Variants in ARPP21 observed in about 807,000 individuals in gnomAD.
ARPP21 encodes cAMP-regulated phosphoprotein 21.
ARPP21 carries 69 observed loss-of-function variants against 113.2 expected under a neutral mutation model. The observed-to-expected ratio is 0.61, with a 90% CI of 0.50 to 0.74. The LOEUF (loss-of-function observed/expected upper bound fraction) is 0.74, where lower values mean the gene tolerates loss of function less well. ARPP21 is among the 30% of genes least tolerant of loss of function. ARPP21 has a pLI of 0.00. For synonymous variants in ARPP21, 368 were observed against 375.5 expected (o/e 0.98, Z 0.23); for missense variants, 1,070 against 1,037.4 (o/e 1.03, Z -0.43).
chr3:35,753,069 T>TG (rs1488160957), intron 19 of ARPP21, among the ~76,000 whole-genome samples: 1 of 151,532 alleles, frequency 6.6e-6, no homozygotes. Flanking sequence ...TGTGTGTGTG[T>TG]GTGTGTAAGT....
intron 19 of ARPP21, among the ~76,000 whole-genome samples, chr3:35,764,670 A>G (rs899309309): frequency 1.3e-5 from 2 of 152,162 alleles, no homozygotes; most frequent in African/African-American, 4.8e-5. Context: ...ATTACTAAGG[A>G]CTCAGAATAC....
At position 35,640,005 on chromosome 3, in the gene ARPP21, G is replaced by A. The variant is rs916591744; in HGVS notation, c.-606G>A. 2 of 152,306 alleles carry A rather than the reference G, an allele frequency of 1.3e-5. No homozygotes were observed. Among genetic ancestry groups the A allele is most frequent in the Admixed American group, 1.3e-4 (2 of 15,288 alleles). 9.4% of individuals were successfully genotyped at this position (152,306 alleles called of 1,614,324 possible). The stretch of plus-strand genomic sequence containing the variant: ...CAGACGGACAGAAGAGCAGACAGGA[G>A]GCGGGGGCGCGTTCACTCCCGGCGG... On this transcript the variant is annotated 5_prime_UTR_variant, in exon 1 of 21. Coordinates refer to ENST00000684406, the MANE Select transcript of ARPP21 (RefSeq NM_001385562.1).
At chr3:35,720,164 A>G (rs1017419635) in intron 13 of ARPP21, among the ~76,000 whole-genome samples, 2 of 143,436 alleles carry the variant, frequency 1.4e-5, no homozygotes, top group African/African-American at 5.1e-5. Flanking sequence ...AAATATTAAT[A>G]GAGGATGGAG....
intron 15 of ARPP21, among the ~76,000 whole-genome samples, chr3:35,732,836 T>C (rs1026272459): frequency 6.6e-6 from 1 of 152,194 alleles, no homozygotes; most frequent in Admixed American, 6.5e-5. Context: ...TATATTTTTA[T>C]TTTTATCAGG....
At position 35,729,228 on chromosome 3, in the gene ARPP21, A is replaced by G. The variant is rs1413559959; in HGVS notation, c.1226-75A>G. On this transcript the variant is annotated intron_variant, in intron 14 of 20. Transcript: ENST00000684406. ...TTTAATGATGTGTCGCAGAAAAGTG[A>G]GCATTTAGACTCAGATTGGTGCTTT... The G allele has an allele frequency of 5.1e-6, 5 of 987,378 alleles. No homozygotes were observed. The African/African-American group carries it at 6.4e-5, about 13-fold the overall frequency. The allele number at this position is 987,378 out of a possible 1,614,324, so 61.2% of individuals were successfully genotyped here. A position where few individuals can be genotyped will look rare whatever the true frequency, so the allele number is the denominator to read the frequency against.
chr3:35,662,528 A>G (rs969590930), intron 1 of ARPP21, among the ~76,000 whole-genome samples: 3 of 152,182 alleles, frequency 2.0e-5, no homozygotes, highest in African/African-American at 7.2e-5. Context: ...GACTGGGCAG[A>G]GAGAGAAGGT....
chr3:35,744,018 G>A, intron 19 of ARPP21, 53 bp downstream of exon 19: 2 of 1,603,102 alleles, frequency 1.2e-6, no homozygotes, highest in Admixed American at 1.7e-5. Flanking sequence ...TTTTGCTGGT[G>A]AATCTTGTAC....
At chr3:35,720,389 C>T (rs567615377) in intron 13 of ARPP21, among the ~76,000 whole-genome samples, 1 of 152,162 alleles carries the variant, frequency 6.6e-6, no homozygotes, top group Non-Finnish European at 1.5e-5. Flanking sequence ...TTTCTTTGTA[C>T]TGTCTGTACA....
intron 16 of ARPP21, among the ~76,000 whole-genome samples, chr3:35,737,571 G>T (rs1300651748): frequency 6.6e-6 from 1 of 152,250 alleles, no homozygotes; most frequent in East Asian, 1.9e-4. Flanking sequence ...GCAGTAACTT[G>T]CAAGTTGAAG....
At chr3:35,773,346 T>A (rs889110113) in intron 19 of ARPP21, among the ~76,000 whole-genome samples, 2 of 152,108 alleles carry the variant, frequency 1.3e-5, no homozygotes, top group African/African-American at 4.8e-5. Flanking sequence ...ATTTTACAGA[T>A]GATGGAAGTA....
At chr3:35,791,997 T>C (rs548070708) in intron 19 of ARPP21, among the ~76,000 whole-genome samples, 1 of 152,188 alleles carries the variant, frequency 6.6e-6, no homozygotes, top group African/African-American at 2.4e-5. Flanking sequence ...AATTTTAAAA[T>C]AACTTGATAA....
intron 16 of ARPP21, among the ~76,000 whole-genome samples, chr3:35,737,985 T>C (rs577428158): frequency 1.1e-4 from 17 of 152,302 alleles, no homozygotes; most frequent in African/African-American, 3.8e-4. Context: ...ACCAACAATA[T>C]CAAACGTACA....
chr3:35,722,724 C>T (rs2093210345), intron 14 of ARPP21, among the ~76,000 whole-genome samples: 5 of 152,068 alleles, frequency 3.3e-5, no homozygotes, highest in Admixed American at 2.6e-4. Flanking sequence ...TCTAGGAGAG[C>T]CATTAACTTG....
intron 9 of ARPP21, among the ~76,000 whole-genome samples, chr3:35,701,934 T>G (rs1414498255): frequency 6.6e-6 from 1 of 151,670 alleles, no homozygotes; most frequent in East Asian, 2.0e-4. Context: ...TGAAAGAGCA[T>G]GTTCTAAATA....
chr3:35,760,296 GC>G (rs1251283455), intron 19 of ARPP21, among the ~76,000 whole-genome samples: 1 of 152,046 alleles, frequency 6.6e-6, no homozygotes, highest in Non-Finnish European at 1.5e-5. Context: ...CACACTGGTG[GC>G]CCTCAGGGTT....
At chr3:35,666,868 G>A (rs912262351) in intron 1 of ARPP21, among the ~76,000 whole-genome samples, 3 of 152,122 alleles carry the variant, frequency 2.0e-5, no homozygotes, top group Admixed American at 2.0e-4. Context: ...ATTTGGAAAG[G>A]TTAGAATAAA....
intron 1 of ARPP21, among the ~76,000 whole-genome samples, chr3:35,675,266 T>C (rs914519291): frequency 2.6e-5 from 4 of 151,758 alleles, no homozygotes; most frequent in African/African-American, 9.7e-5. Flanking sequence ...GTGATTTGCC[T>C]GTATGGGTTA....
intron 19 of ARPP21, among the ~76,000 whole-genome samples, chr3:35,788,267 C>T (rs768227685): frequency 1.1e-4 from 16 of 152,184 alleles, no homozygotes; most frequent in Non-Finnish European, 1.5e-4. Context: ...AATTCTACCT[C>T]ACACCGTGTA....
chr3:35,783,005 C>T (rs544502109), intron 19 of ARPP21, among the ~76,000 whole-genome samples: 1 of 152,216 alleles, frequency 6.6e-6, no homozygotes, highest in East Asian at 1.9e-4. Flanking sequence ...TCTTTTCTTC[C>T]TTGGCAGTTC....
Sources: allele counts gnomAD v4.1 joint callset (sites outside exome capture counted in the v4.1 genomes callset), GRCh38; gene constraint gnomAD v4.1.1; transcripts MANE v1.5; gene names NCBI Gene and HGNC (gene_info 2026-07-23, HGNC 2026-07-21).